The following DROSHA variants were observed in gnomAD, a reference collection of about 807,000 sequenced individuals.
DROSHA encodes the protein drosha ribonuclease III, also known as ribonuclease 3.
DROSHA carries 56 observed loss-of-function variants against 181.9 expected under a neutral mutation model. The observed-to-expected ratio is 0.31, with a 90% CI of 0.25 to 0.38. The LOEUF (loss-of-function observed/expected upper bound fraction) is 0.38, where lower values mean the gene tolerates loss of function less well. Ranked by LOEUF, DROSHA falls within the 10% of genes least tolerant of loss-of-function variation. The pLI, the probability that DROSHA is intolerant of heterozygous loss-of-function variation, is 1.00. For missense variants in DROSHA, 1,218 were observed against 1,743.5 expected (o/e 0.70, Z 5.37); for synonymous variants, 524 against 591.2 (o/e 0.89, Z 1.65).
Position 31,493,270 on chromosome 5 carries a change from T to C in DROSHA, c.1779A>G (p.Glu593=). The change falls in exon 13 of 36, where the codon GAA becomes GAG. Residue 593 remains glutamate (E), a synonymous_variant. Coordinates refer to ENST00000344624, the MANE Select transcript of DROSHA (RefSeq NM_001382508.1). The part of the protein sequence containing the change: ...NFLTDRPTVI[E]YDDHEYIFEG... ...CAAAGATATACTCGTGATCATCGTA[T>C]TCTATAACAGTTGGCCTGTCAGTCT... 1 of 1,603,906 alleles carries C rather than the reference T, an allele frequency of 6.2e-7. No individual in the cohort carries two copies. Among genetic ancestry groups the C allele is most frequent in the South Asian group, 1.1e-5 (1 of 87,622 alleles).
At position 31,498,361 on chromosome 5, in the gene DROSHA, A is replaced by G. The variant is rs372886073; in HGVS notation, c.1669-2989T>C. ...TGACCATCTTCCTTTTACTTGTAAA[A>G]TAACACAATAACTGACCTTTGGTTA... is the stretch of plus-strand genomic sequence containing the variant. On this transcript the variant is annotated intron_variant, in intron 11 of 35. Transcript: ENST00000344624. 2.1e-4 allele frequency among the ~76,000 whole-genome samples: 32 copies of G among 152,336 alleles called. No homozygotes were observed. In the East Asian group the frequency reaches 3.9e-3, roughly 18 times the overall value.
intron 16 of DROSHA, among the ~76,000 whole-genome samples, chr5:31,477,759 C>G (rs542568366): frequency 2.2e-4 from 33 of 152,320 alleles, no homozygotes; most frequent in Non-Finnish European, 3.8e-4. Context: ...CAGTTACACT[C>G]AGAATAAAAC....
intron 29 of DROSHA, among the ~76,000 whole-genome samples, chr5:31,422,329 A>T (rs1742858862): frequency 6.6e-6 from 1 of 152,076 alleles, no homozygotes; most frequent in East Asian, 1.9e-4. Flanking sequence ...TCACCTTCAA[A>T]TCATTCATCT....
chr5:31,505,351 A>G (rs564204312), intron 10 of DROSHA, among the ~76,000 whole-genome samples: 1 of 152,306 alleles, frequency 6.6e-6, no homozygotes, highest in Admixed American at 6.5e-5. Flanking sequence ...AATCACTTAA[A>G]AGTAGGTAAT....
chr5:31,404,676 A>G (rs1267951460), intron 35 of DROSHA, among the ~76,000 whole-genome samples: 1 of 152,214 alleles, frequency 6.6e-6, no homozygotes, highest in East Asian at 1.9e-4. Flanking sequence ...TTCAGTTTAC[A>G]AAAGACTATG....
At chr5:31,441,865 C>T (rs1376510937) in intron 23 of DROSHA, among the ~76,000 whole-genome samples, 1 of 152,096 alleles carries the variant, frequency 6.6e-6, no homozygotes, top group Non-Finnish European at 1.5e-5. Context: ...GTGCAAAGTA[C>T]TATACAGAAA....
intron 16 of DROSHA, among the ~76,000 whole-genome samples, chr5:31,483,139 A>C (rs1751231508): frequency 6.6e-6 from 1 of 152,212 alleles, no homozygotes; most frequent in Admixed American, 6.5e-5. Flanking sequence ...ACATGTCAAA[A>C]GATAAGAAAA....
At chr5:31,418,208 ATG>A (rs149277843) in intron 30 of DROSHA, among the ~76,000 whole-genome samples, 1 of 150,118 alleles carries the variant, frequency 6.7e-6, no homozygotes. Context: ...CTGTAACTCT[ATG>A]TGTGTGTGGT....
intron 28 of DROSHA, 23 bp from the exon 29 acceptor site, chr5:31,422,967 A>G: frequency 1.3e-6 from 2 of 1,495,652 alleles, no homozygotes; most frequent in Non-Finnish European, 1.8e-6. Context: ...AGAAATAAAT[A>G]AAAATCATTT....
rs774306960 is a variant in DROSHA, at chr5:31,401,481, C to T, written c.4076G>A (p.Arg1359Lys). 1 of 1,613,216 alleles carries T rather than the reference C, an allele frequency of 6.2e-7. No homozygotes were observed. The highest frequency in any genetic ancestry group is 1.1e-5 in the South Asian group (1 of 91,062). The change falls in exon 36 of 36, where the codon AGA becomes AAA. Residue 1359 changes from arginine to lysine, a missense_variant. By Grantham distance (26) the Arg-to-Lys change is conservative (BLOSUM62 2). Around this residue, in one of 8 missense-constraint regions of DROSHA, gnomAD observed 32 missense variants for 29.2 expected, o/e 1.09. Coordinates refer to ENST00000344624, the MANE Select transcript of DROSHA (RefSeq NM_001382508.1). ...ATCTGGCTCTCTCTCTTGATGCTCT[C>T]TTTCCCACCTCATTTCTTTTAACTC... ...RQELKEMRWE[R>K]EHQEREPDET...
chr5:31,495,009 C>T (rs758658457), intron 12 of DROSHA, among the ~76,000 whole-genome samples: 1 of 152,064 alleles, frequency 6.6e-6, no homozygotes, highest in Non-Finnish European at 1.5e-5. Context: ...TGGAAGTGTT[C>T]TATATTTTCT....
intron 9 of DROSHA, among the ~76,000 whole-genome samples, chr5:31,510,119 G>T (rs1486197550): frequency 2.8e-5 from 4 of 142,886 alleles, no homozygotes; most frequent in African/African-American, 1.0e-4. Context: ...TCCACAAAAA[G>T]AAAAATAATT....
At chr5:31,444,640 T>C (rs1746033529) in intron 23 of DROSHA, among the ~76,000 whole-genome samples, 1 of 152,232 alleles carries the variant, frequency 6.6e-6, no homozygotes, top group Admixed American at 6.5e-5. Context: ...ATGGTGTTCA[T>C]GCAGCCATGT....
At chr5:31,510,011 A>G (rs1475622201) in intron 9 of DROSHA, among the ~76,000 whole-genome samples, 2 of 149,996 alleles carry the variant, frequency 1.3e-5, no homozygotes, top group African/African-American at 4.9e-5. Flanking sequence ...AAAATAGTTA[A>G]GATGGTAAAT....
chr5:31,491,246 C>G (rs1048384084), intron 13 of DROSHA, among the ~76,000 whole-genome samples: 2 of 150,950 alleles, frequency 1.3e-5, no homozygotes, highest in African/African-American at 4.9e-5. Flanking sequence ...GAAATCCTTT[C>G]CAAAGAGAGA....
chr5:31,438,789 A>G (rs1056638841), intron 23 of DROSHA, among the ~76,000 whole-genome samples: 23 of 152,034 alleles, frequency 1.5e-4, no homozygotes, highest in African/African-American at 5.5e-4. Flanking sequence ...AGCCAGAGGG[A>G]AAAAAAGTTC....
rs200992318 is a variant in DROSHA, at chr5:31,493,425, CA to C, written c.1756-133del. On this transcript the variant is annotated intron_variant, in intron 12 of 35. Coordinates refer to ENST00000344624, the MANE Select transcript of DROSHA (RefSeq NM_001382508.1). ...TTCAGACACCAGGGAGAACTTTATA[CA>C]AAGTTTAATTTTACATGAAATTATC... The C allele has an allele frequency of 0.026, 18,028 of 692,812 alleles. 1,419 individuals carry two copies. The East Asian group carries it at 0.26, about 10-fold the overall frequency. 42.9% of individuals were successfully genotyped at this position (692,812 alleles called of 1,614,324 possible). A position where few individuals can be genotyped will look rare whatever the true frequency, so the allele number is the denominator to read the frequency against.
At chr5:31,491,016 G>A (rs1157277511) in intron 13 of DROSHA, among the ~76,000 whole-genome samples, 1 of 152,208 alleles carries the variant, frequency 6.6e-6, no homozygotes, top group East Asian at 1.9e-4. Flanking sequence ...CAAACCTTGT[G>A]CTGGGGGATG....
intron 20 of DROSHA, among the ~76,000 whole-genome samples, chr5:31,459,414 T>TAA (rs4050153): frequency 5.2e-4 from 68 of 130,226 alleles, no homozygotes; most frequent in African/African-American, 1.8e-3. Flanking sequence ...TCCCATGTCT[T>TAA]AAAAAAAAAA....
Sources: gnomAD v4.1 joint callset for allele counts (sites outside exome capture counted in the v4.1 genomes callset) on GRCh38, gnomAD v4.1.1 for gene constraint, gnomAD v4.1.1 regional missense constraint, MANE v1.5 for transcripts, NCBI Gene and HGNC (gene_info 2026-07-23, HGNC 2026-07-21) for gene names.